The following RPS27A variants were observed in gnomAD, a reference collection of about 807,000 sequenced individuals.
The protein encoded by RPS27A is ribosomal protein S27a.
RPS27A carries 1 observed loss-of-function variant against 18.9 expected under a neutral mutation model. The observed-to-expected ratio is 0.05, with a 90% CI of 0.02 to 0.25. The LOEUF is 0.25. Ranked by LOEUF, RPS27A falls within the 10% of genes least tolerant of loss-of-function variation. RPS27A has a pLI of 1.00. For missense variants in RPS27A, 123 were observed against 187.4 expected (o/e 0.66, Z 2.01); for synonymous variants, 77 against 63.7 (o/e 1.21, Z -0.99).
Position 55,235,466 on chromosome 2 carries a change from G to A in RPS27A, c.360G>A (p.Glu120=), listed in dbSNP as rs1675741415. The A allele has an allele frequency of 1.2e-6, 2 of 1,611,828 alleles. No individual in the cohort carries two copies. The highest frequency in any genetic ancestry group is 1.7e-6 in the Non-Finnish European group (2 of 1,179,930). Residue 120 remains glutamate (E), a synonymous_variant, in exon 6 of 6, where the codon GAG becomes GAA. Transcript: ENST00000272317. The part of the protein sequence containing the change: ...ENGKISRLRR[E]CPSDECGAGV... ...GCAAAATTAGTCGCCTTCGTCGAGAGTGCCCTTCTGATGAATGTGGTGCTG... is the reference window on the plus strand; with the variant it reads ...GCAAAATTAGTCGCCTTCGTCGAGAATGCCCTTCTGATGAATGTGGTGCTG...
rs752021725 is a variant in RPS27A at position 55,232,889 on chromosome 2, C to CA, written c.48+18dup. On this transcript the variant is annotated intron_variant, in intron 2 of 5. Coordinates refer to ENST00000272317, the MANE Select transcript of RPS27A (RefSeq NM_002954.6). Reference sequence around the variant, plus strand: ...ACCCTCGAGGTACGGGCCGGGTGGTCATGAGGAAGCCAAGGTCCGAATAAG... The same window carrying CA: ...ACCCTCGAGGTACGGGCCGGGTGGTCAATGAGGAAGCCAAGGTCCGAATAAG... 1.4e-5 allele frequency: 23 copies of CA among 1,607,540 alleles called. No individual in the cohort carries two copies. Among genetic ancestry groups the CA allele is most frequent in the Non-Finnish European group, 2.0e-5 (23 of 1,175,644 alleles).
rs1254262397 is a variant in RPS27A, at chr2:55,235,066, T to C, written c.321+104T>C. 2.4e-6 allele frequency: 3 copies of C among 1,255,992 alleles called. No individual in the cohort carries two copies. The African/African-American group carries it at 4.5e-5, about 19-fold the overall frequency. 77.8% of individuals were successfully genotyped at this position (1,255,992 alleles called of 1,614,324 possible). ...TTTTCTTGGACTTAAACACCCAATATTATCCCACTTTGGTTTAAATGAGGT... is the reference window on the plus strand; with the variant it reads ...TTTTCTTGGACTTAAACACCCAATACTATCCCACTTTGGTTTAAATGAGGT... On this transcript the variant is annotated intron_variant, in intron 5 of 5. Transcript: ENST00000272317.
At chr2:55,234,669 A>G (rs531267578) in intron 4 of RPS27A, 162 bp from the exon 5 acceptor site, 1 of 781,690 alleles carries the variant, frequency 1.3e-6, no homozygotes, top group East Asian at 2.7e-5. Context: ...TGTCCCTATA[A>G]ACTGTCAGTT....
rs977999206 is a variant in RPS27A, at chr2:55,234,346, G to A, written c.189+142G>A. On this transcript the variant is annotated intron_variant, in intron 4 of 5. Transcript: ENST00000272317. ...CAGTCACTGCAACCTCCACCTCTCA[G>A]ACTCAGGTGGTCCTCCCACCTCAGC... 7.3e-6 allele frequency: 5 copies of A among 684,920 alleles called. No individual in the cohort carries two copies. In the African/African-American group the frequency reaches 9.0e-5, roughly 12 times the overall value. The allele number at this position is 684,920 out of a possible 1,614,324, so 42.4% of individuals were successfully genotyped here.
intron 5 of RPS27A, 108 bp from the exon 6 acceptor site, chr2:55,235,320 C>A: frequency 1.6e-6 from 2 of 1,271,424 alleles, no homozygotes; most frequent in Non-Finnish European, 2.3e-6. Flanking sequence ...TTGTAAGCAC[C>A]AAAACCACCA....
At chr2:55,233,536 C>T (rs1017088791) in intron 3 of RPS27A, 119 bp downstream of exon 3, 2 of 741,964 alleles carry the variant, frequency 2.7e-6, no homozygotes, top group Non-Finnish European at 4.9e-6. Flanking sequence ...AAGCGAAATA[C>T]TTGTGGAATA....
At position 55,234,723 on chromosome 2, in the gene RPS27A, T is replaced by A. The variant is rs1159385063; in HGVS notation, c.190-108T>A. The stretch of plus-strand genomic sequence containing the variant: ...TGGGTTTGGGGGCTGCAAGATTCCC[T>A]CAAATGTTATTGTGTGCTGCTACTG... On this transcript the variant is annotated intron_variant, in intron 4 of 5. Coordinates refer to ENST00000272317, the MANE Select transcript of RPS27A (RefSeq NM_002954.6). The A allele has an allele frequency of 3.8e-6, 5 of 1,313,336 alleles. No individual in the cohort carries two copies. In the African/African-American group the frequency reaches 7.3e-5, roughly 19 times the overall value. 81.4% of individuals were successfully genotyped at this position (1,313,336 alleles called of 1,614,324 possible).
At chr2:55,232,273 G>A (rs17046782), upstream of RPS27A, 101 of 197,426 alleles carry the variant, frequency 5.1e-4, 2 homozygotes, top group East Asian at 6.0e-3. Flanking sequence ...TCAGTGCTTA[G>A]AGATAGTAAC....
upstream of RPS27A, chr2:55,232,638 T>A: frequency 1.5e-6 from 1 of 675,998 alleles, no homozygotes; most frequent in South Asian, 1.6e-5. Flanking sequence ...AAGGGGTGGG[T>A]CCTTCGGCGG....
intron 5 of RPS27A, 53 bp downstream of exon 5, chr2:55,235,015 C>G: frequency 6.3e-7 from 1 of 1,594,486 alleles, no homozygotes; most frequent in Non-Finnish European, 8.6e-7. Context: ...ATTTGGAAAA[C>G]TTAATCTTTA....
chr2:55,235,688 G>T lies in RPS27A; in HGVS notation c.*111G>T. 1 of 1,223,862 alleles carries T rather than the reference G, an allele frequency of 8.2e-7. No individual in the cohort carries two copies. The highest frequency in any genetic ancestry group is 1.2e-5 in the South Asian group (1 of 81,760). 75.8% of individuals were successfully genotyped at this position (1,223,862 alleles called of 1,614,324 possible). The stretch of plus-strand genomic sequence containing the variant: ...ATGGTCACACCATTTCCTTTTAGTA[G>T]TGCTACTGCTATCGCTGTGTGAATG... On this transcript the variant is annotated 3_prime_UTR_variant, in exon 6 of 6. Transcript: ENST00000272317.
chr2:55,234,978 GGCAGAATGTCA>G lies in RPS27A; in HGVS notation c.321+20_321+30del. On this transcript the variant is annotated intron_variant, in intron 5 of 5. Coordinates refer to ENST00000272317, the MANE Select transcript of RPS27A (RefSeq NM_002954.6). Reference sequence around the variant, plus strand: ...ATATTATAAGGTGAGCCAGTTAAAGGGCAGAATGTCAGCAAAGTCTTGGCTTATTTGGAAAA... The same window carrying G: ...ATATTATAAGGTGAGCCAGTTAAAGGGCAAAGTCTTGGCTTATTTGGAAAA... The G allele has an allele frequency of 6.2e-7, 1 of 1,612,186 alleles. No homozygotes were observed. The highest frequency in any genetic ancestry group is 2.2e-5 in the East Asian group (1 of 44,832).
At chr2:55,233,489 C>A in intron 3 of RPS27A, 72 bp downstream of exon 3, 1 of 1,057,118 alleles carries the variant, frequency 9.5e-7, no homozygotes, top group Non-Finnish European at 1.5e-6. Context: ...GCTAGACATA[C>A]CTGCTCTTGG....
In RPS27A at chr2:55,234,517, C is replaced by G. The variant is rs1355239977; in HGVS notation, c.189+313C>G. On this transcript the variant is annotated intron_variant, in intron 4 of 5. Coordinates refer to ENST00000272317, the MANE Select transcript of RPS27A (RefSeq NM_002954.6). ...ATGTGGTGTATTCTGGACATTTTGA[C>G]ACACAAAAAGGGAAAATGGCATTCG... The G allele has an allele frequency of 1.3e-5, 7 of 545,036 alleles. No individual in the cohort carries two copies. The East Asian group carries it at 2.0e-4, about 15-fold the overall frequency. 33.8% of individuals were successfully genotyped at this position (545,036 alleles called of 1,614,324 possible).
chr2:55,234,687 T>G (rs2576722), intron 4 of RPS27A, 144 bp from the exon 5 acceptor site: 1 of 878,568 alleles, frequency 1.1e-6, no homozygotes, highest in Non-Finnish European at 1.8e-6. Context: ...GTTAAGAATC[T>G]GATACTTTAT....
intron 2 of RPS27A, chr2:55,233,083 G>C: frequency 1.5e-6 from 1 of 652,538 alleles, no homozygotes; most frequent in South Asian, 1.8e-5. Context: ...AGGGGTTCCA[G>C]CTAGTTAGTT....
chr2:55,234,533 A>T, intron 4 of RPS27A: 1 of 545,516 alleles, frequency 1.8e-6, no homozygotes, highest in Non-Finnish European at 3.3e-6. Context: ...AAAAGGGAAA[A>T]TGGCATTCGA....
intron 1 of RPS27A, 46 bp from the exon 2 acceptor site, chr2:55,232,762 T>C (rs1675536596): frequency 1.4e-6 from 2 of 1,480,956 alleles, no homozygotes; most frequent in Non-Finnish European, 9.3e-7. Context: ...GTGCCTTCTC[T>C]TGTGATCCCT....
intron 3 of RPS27A, 41 bp downstream of exon 3, chr2:55,233,458 G>A (rs1217345959): frequency 2.7e-6 from 4 of 1,484,936 alleles, no homozygotes; most frequent in South Asian, 1.1e-5. Context: ...AACCTGCGGA[G>A]ACTTCGGCCT....
Sources: allele counts gnomAD v4.1 joint callset, GRCh38; gene constraint gnomAD v4.1.1; transcripts MANE v1.5; gene names NCBI Gene and HGNC (gene_info 2026-07-23, HGNC 2026-07-21).